Variants in SMARCA4 observed in about 807,000 individuals in gnomAD.
The protein encoded by SMARCA4 is SWI/SNF-related matrix-associated actin-dependent regulator of chromatin subfamily A member 4.
SMARCA4 carries 31 observed loss-of-function variants against 193.9 expected under a neutral mutation model. The ratio of observed to expected loss-of-function variants is 0.16; its 90% CI spans 0.12 to 0.22. The LOEUF (loss-of-function observed/expected upper bound fraction) is 0.22. Ranked by LOEUF, SMARCA4 falls within the 10% of genes least tolerant of loss-of-function variation. The pLI is 1.00. For synonymous variants in SMARCA4, 942 were observed against 933.1 expected, an observed-to-expected ratio of 1.01 and a Z score of -0.17; for missense variants, 1,148 against 2,296.0, an observed-to-expected ratio of 0.50 and a Z score of 10.22.
At chr19:10,967,347 G>C (rs979023582) in intron 1 of SMARCA4, among the ~76,000 whole-genome samples, 1 of 151,802 alleles carries the variant, frequency 6.6e-6, no homozygotes, top group Non-Finnish European at 1.5e-5. Context: ...CTCTCTCTCT[G>C]TCGCCCAGGC....
At chr19:10,982,922 G>A (rs2085680789) in intron 1 of SMARCA4, among the ~76,000 whole-genome samples, 1 of 152,218 alleles carries the variant, frequency 6.6e-6, no homozygotes, top group African/African-American at 2.4e-5. Context: ...CATTCCAAAA[G>A]GCAGCAGAAA....
rs1386305807 is a variant in SMARCA4 at position 11,058,271 on chromosome 19, C to T, written c.4441C>T (p.Leu1481Phe). ...KYKDSSSGRQ[L>F]SEVFIQLPSR... is the part of the protein sequence containing the mutation. ...GCCTTGCAGCAGCAGTGGACGTCAG[C>T]TCAGCGAGGTCTTCATCCAGCTGCC... Residue 1481 changes from leucine to phenylalanine, a missense_variant, in exon 31 of 35, where the codon CTC becomes TTC. Leu to Phe is a conservative substitution (Grantham distance 22). Transcript: ENST00000344626. The surrounding 1 kb of genome is among the most constrained non-coding windows in gnomAD (Gnocchi z 5.8). The T allele has an allele frequency of 6.2e-7, 1 of 1,612,706 alleles. No individual in the cohort carries two copies. Among genetic ancestry groups the T allele is most frequent in the Non-Finnish European group, 8.5e-7 (1 of 1,179,752 alleles).
Position 11,041,114 on chromosome 19 carries a change from C to T in SMARCA4, c.4171-193C>T, listed in dbSNP as rs1244684497. The T allele has an allele frequency of 1.9e-5, 12 of 619,452 alleles. No homozygotes were observed. Among genetic ancestry groups the T allele is most frequent in the South Asian group, 1.0e-4 (5 of 49,232 alleles). The allele number at this position is 619,452 out of a possible 1,614,324, so 38.4% of individuals were successfully genotyped here. A position where few individuals can be genotyped will look rare whatever the true frequency, so the allele number is the denominator to read the frequency against. The stretch of plus-strand genomic sequence containing the variant: ...GGTGGGGTGCCTGCTGGGGGCAGTG[C>T]TGGTCTTTCACTGCAGCCCAGGCAC... On this transcript the variant is annotated intron_variant, in intron 29 of 34. Transcript: ENST00000344626. The surrounding 1 kb of genome is among the most constrained non-coding windows in gnomAD (Gnocchi z 5.6).
In SMARCA4 at chr19:11,030,902, G is replaced by A. The variant is rs544551192; in HGVS notation, c.3546+9G>A. ...ACTGGAATCCTCACCAGGTAAAAGC[G>A]GGCCGGGCCCCAGGTCGAGGAGAAG... On this transcript the variant is annotated intron_variant, in intron 25 of 34. Coordinates refer to ENST00000344626, the MANE Select transcript of SMARCA4 (RefSeq NM_003072.5). The surrounding 1 kb of genome is among the most constrained non-coding windows in gnomAD (Gnocchi z 5.5). 1.1e-5 allele frequency: 18 copies of A among 1,608,748 alleles called. No homozygotes were observed. Among genetic ancestry groups the A allele is most frequent in the South Asian group, 1.1e-4 (10 of 90,254 alleles).
At chr19:10,972,954 C>A (rs570109280) in intron 1 of SMARCA4, among the ~76,000 whole-genome samples, 2 of 152,080 alleles carry the variant, frequency 1.3e-5, no homozygotes, top group Admixed American at 6.6e-5. Flanking sequence ...ACAAAAAATA[C>A]GAAAATTAGC....
intron 29 of SMARCA4, among the ~76,000 whole-genome samples, chr19:11,037,597 C>T (rs188680974): frequency 1.8e-4 from 27 of 152,308 alleles, no homozygotes; most frequent in Non-Finnish European, 3.5e-4. Flanking sequence ...ATTCTCTTTT[C>T]GCTTCCGTGA....
intron 11 of SMARCA4, among the ~76,000 whole-genome samples, chr19:10,999,562 G>T (rs1226691960): frequency 6.6e-6 from 1 of 152,086 alleles, no homozygotes; most frequent in African/African-American, 2.4e-5. Context: ...AGAGGCTGAG[G>T]TGGGAGGATC....
At position 10,987,749 on chromosome 19, in the gene SMARCA4, C is replaced by T. The variant is rs1480429811; in HGVS notation, c.943C>T (p.Pro315Ser). 6.2e-7 allele frequency: 1 copy of T among 1,601,340 alleles called. No homozygotes were observed. Among genetic ancestry groups the T allele is most frequent in the South Asian group, 1.1e-5 (1 of 89,914 alleles). ...PQPTGRPSPAPPAVPPAASPV... is the reference protein window; with the variant it reads ...PQPTGRPSPASPAVPPAASPV... ...GCCAACGGGCCGCCCTTCCCCCGCGCCCCCTGCCGTCCCACCCGCCGCCTC... is the reference window on the plus strand; with the variant it reads ...GCCAACGGGCCGCCCTTCCCCCGCGTCCCCTGCCGTCCCACCCGCCGCCTC... The change falls in exon 6 of 35, where the codon CCC (proline) becomes TCC (serine). Residue 315 changes from proline to serine, a missense_variant. Physicochemically the swap from Pro to Ser is moderately conservative, Grantham distance 74. Coordinates refer to ENST00000344626, the MANE Select transcript of SMARCA4 (RefSeq NM_003072.5). This position sits in a 1 kb window ranked among gnomAD's most constrained non-coding sequence, Gnocchi z 5.3.
chr19:11,035,699 G>A (rs555596690), intron 29 of SMARCA4, among the ~76,000 whole-genome samples: 37 of 152,376 alleles, frequency 2.4e-4, no homozygotes, highest in African/African-American at 8.4e-4. Flanking sequence ...GTTCTCAGCA[G>A]ATGGCAGCTG....
intron 29 of SMARCA4, among the ~76,000 whole-genome samples, chr19:11,037,057 A>C (rs895269428): frequency 2.0e-5 from 3 of 152,242 alleles, no homozygotes; most frequent in African/African-American, 4.8e-5. Flanking sequence ...GGTTGTATCC[A>C]CTTTCGGGCT....
Position 11,030,918 on chromosome 19 carries a change from C to G in SMARCA4, c.3546+25C>G, listed in dbSNP as rs375755647. On this transcript the variant is annotated intron_variant, in intron 25 of 34. Transcript: ENST00000344626. The surrounding 1 kb of genome is among the most constrained non-coding windows in gnomAD (Gnocchi z 5.5). The stretch of plus-strand genomic sequence containing the variant: ...GGTAAAAGCGGGCCGGGCCCCAGGT[C>G]GAGGAGAAGGAAGGGGGTGCCTGCA... The G allele has an allele frequency of 6.2e-7, 1 of 1,603,868 alleles. No individual in the cohort carries two copies. Among genetic ancestry groups the G allele is most frequent in the Non-Finnish European group, 8.5e-7 (1 of 1,175,598 alleles).
At chr19:11,051,328 G>GT (rs553137068) in intron 30 of SMARCA4, among the ~76,000 whole-genome samples, 44 of 152,274 alleles carry the variant, frequency 2.9e-4, no homozygotes, top group Non-Finnish European at 5.6e-4. Flanking sequence ...AGAGGTGCAG[G>GT]TGTGTGGAGT....
intron 7 of SMARCA4, among the ~76,000 whole-genome samples, chr19:10,990,247 T>C (rs569299950): frequency 6.6e-6 from 1 of 152,270 alleles, no homozygotes; most frequent in South Asian, 2.1e-4. Flanking sequence ...TCTGCCTCTG[T>C]GGTTCAAGTG....
chr19:10,982,134 G>T (rs1485466984), intron 1 of SMARCA4, among the ~76,000 whole-genome samples: 1 of 151,746 alleles, frequency 6.6e-6, no homozygotes, highest in Admixed American at 6.6e-5. Flanking sequence ...AAGGTCAGAC[G>T]TTCGAGACCA....
chr19:10,972,598 G>A (rs1375404198), intron 1 of SMARCA4, among the ~76,000 whole-genome samples: 6 of 152,174 alleles, frequency 3.9e-5, no homozygotes, highest in Non-Finnish European at 8.8e-5. Context: ...GTCCTCTGCT[G>A]TGGCGGTGGG....
In SMARCA4 at chr19:11,034,314, G is replaced by A. The variant is rs1474358811; in HGVS notation, c.3951+114G>A. 1.2e-6 allele frequency: 1 copy of A among 839,766 alleles called. No homozygotes were observed. The highest frequency in any genetic ancestry group is 2.0e-6 in the Non-Finnish European group (1 of 497,732). 52.0% of individuals were successfully genotyped at this position (839,766 alleles called of 1,614,324 possible). A position where few individuals can be genotyped will look rare whatever the true frequency, so the allele number is the denominator to read the frequency against. On this transcript the variant is annotated intron_variant, in intron 28 of 34. Coordinates refer to ENST00000344626, the MANE Select transcript of SMARCA4 (RefSeq NM_003072.5). The surrounding 1 kb of genome is among the most constrained non-coding windows in gnomAD (Gnocchi z 7.0). ...ATCCCTAGCAGGTCAGGGAGCCAGGGACAGCTCACAGTGCAGCCCACTCCC... is the reference window on the plus strand; with the variant it reads ...ATCCCTAGCAGGTCAGGGAGCCAGGAACAGCTCACAGTGCAGCCCACTCCC...
intron 1 of SMARCA4, among the ~76,000 whole-genome samples, chr19:10,973,732 G>A (rs1568400659): frequency 2.6e-5 from 4 of 152,154 alleles, no homozygotes; most frequent in Admixed American, 6.6e-5. Context: ...ACCACGCCCG[G>A]CTAATTTTTT....
intron 6 of SMARCA4, among the ~76,000 whole-genome samples, chr19:10,988,270 G>A (rs1599979173): frequency 6.6e-6 from 1 of 152,134 alleles, no homozygotes; most frequent in East Asian, 1.9e-4. Context: ...ATAGGCATGC[G>A]CCACCACACC....
chr19:10,980,840 C>T (rs1254614715), intron 1 of SMARCA4: 1 of 152,230 alleles, frequency 6.6e-6, no homozygotes, highest in Non-Finnish European at 1.5e-5. Flanking sequence ...CAGCCTCAAC[C>T]TCCTGGACTC....
Sources: gnomAD v4.1 joint callset for allele counts (sites outside exome capture counted in the v4.1 genomes callset) on GRCh38, gnomAD v4.1.1 for gene constraint, Gnocchi (gnomAD v3.1) non-coding constraint, MANE v1.5 for transcripts, NCBI Gene and HGNC (gene_info 2026-07-23, HGNC 2026-07-21) for gene names.